Variants in CSMD2 observed in about 807,000 individuals in gnomAD.
CSMD2 encodes CUB and sushi domain-containing protein 2.
A neutral mutation model predicts 398.5 loss-of-function variants in CSMD2; 130 were observed. The ratio of observed to expected loss-of-function variants is 0.33; its 90% CI spans 0.28 to 0.38. CSMD2 has a LOEUF of 0.38. Among genes scored for constraint, CSMD2 ranks in the 10% least tolerant of loss-of-function variants. The pLI, the probability that CSMD2 is intolerant of heterozygous loss-of-function variation, is 1.00. For missense variants in CSMD2, 3,829 were observed against 4,764.9 expected (o/e 0.80, Z 5.78); for synonymous variants, 1,828 against 1,908.5 (o/e 0.96, Z 1.10).
intron 2 of CSMD2, among the ~76,000 whole-genome samples, chr1:34,079,291 T>A (rs555372076): frequency 6.6e-6 from 1 of 152,096 alleles, no homozygotes; most frequent in African/African-American, 2.4e-5. Context: ...AAATAAGGGG[T>A]ATCCCGATTG....
chr1:33,598,489 T>C (rs570946183), intron 44 of CSMD2, among the ~76,000 whole-genome samples: 1 of 152,176 alleles, frequency 6.6e-6, no homozygotes, highest in South Asian at 2.1e-4. Context: ...CAAATTACCA[T>C]AGACTGGGTG....
At chr1:33,597,499 T>A (rs751397215) in intron 44 of CSMD2, among the ~76,000 whole-genome samples, 49 of 152,216 alleles carry the variant, frequency 3.2e-4, no homozygotes, top group Non-Finnish European at 5.9e-4. Flanking sequence ...GCATGAACAC[T>A]CAGTAACACA....
intron 3 of CSMD2, among the ~76,000 whole-genome samples, chr1:34,027,935 G>C (rs1649885096): frequency 6.6e-6 from 1 of 152,206 alleles, no homozygotes; most frequent in Non-Finnish European, 1.5e-5. Context: ...GAGGTAAGTG[G>C]GGCGAGGGCT....
At position 33,567,851 on chromosome 1, in the gene CSMD2, G is replaced by T; in HGVS notation, c.8132-10C>A. On this transcript the variant is annotated splice_polypyrimidine_tract_variant and intron_variant, in intron 52 of 70. Transcript: ENST00000373381. ...AGCTTGGTCTGAGTGGCTAGAGACA[G>T]GGATGGTGGGGAAAAGGACCAACTA... The T allele has an allele frequency of 6.4e-7, 1 of 1,559,516 alleles. No homozygotes were observed. Among genetic ancestry groups the T allele is most frequent in the Middle Eastern group, 1.7e-4 (1 of 6,004 alleles).
chr1:33,632,428 A>G (rs1642518491), intron 32 of CSMD2, among the ~76,000 whole-genome samples: 1 of 152,166 alleles, frequency 6.6e-6, no homozygotes, highest in Non-Finnish European at 1.5e-5. Flanking sequence ...AAATAAGAAA[A>G]TAAGTGCTTG....
At chr1:33,879,860 A>G (rs535618883) in intron 5 of CSMD2, among the ~76,000 whole-genome samples, 2 of 152,228 alleles carry the variant, frequency 1.3e-5, no homozygotes, top group African/African-American at 4.8e-5. Context: ...AACAAATGAG[A>G]GCATGAATAT....
At chr1:34,067,517 A>G (rs1015875488) in intron 2 of CSMD2, among the ~76,000 whole-genome samples, 4 of 152,262 alleles carry the variant, frequency 2.6e-5, no homozygotes, top group Middle Eastern at 6.8e-3. Context: ...CAGGAGCCCC[A>G]GGGGCTGCCA....
intron 1 of CSMD2, among the ~76,000 whole-genome samples, chr1:34,106,667 G>A (rs1482717661): frequency 1.3e-5 from 2 of 152,176 alleles, no homozygotes; most frequent in African/African-American, 4.8e-5. Context: ...GCTTAGCACA[G>A]TTGCTGTGCC....
intron 29 of CSMD2, among the ~76,000 whole-genome samples, chr1:33,643,036 C>T (rs1268433893): frequency 1.3e-5 from 2 of 152,194 alleles, no homozygotes; most frequent in South Asian, 2.1e-4. Flanking sequence ...AAGCAAGACC[C>T]CTGAAGCCAC....
At chr1:33,768,842 C>T (rs1398973581) in intron 13 of CSMD2, among the ~76,000 whole-genome samples, 1 of 152,184 alleles carries the variant, frequency 6.6e-6, no homozygotes, top group Admixed American at 6.6e-5. Flanking sequence ...CGTATACATC[C>T]AAGAAGTTCC....
rs28690749 is a variant in CSMD2, at chr1:33,557,056, A to T, written c.8743+678T>A. Among the ~76,000 whole-genome samples the T allele has an allele frequency of 4.3e-3, 651 of 152,302 alleles. 2 individuals are homozygous for T. Among genetic ancestry groups the T allele is most frequent in the African/African-American group, 0.011 (452 of 41,548 alleles). On this transcript the variant is annotated intron_variant, in intron 55 of 70. Transcript: ENST00000373381. ...CCTCCCCAACCCCTTTTAAAAAACC[A>T]GTTGTCCCCAATTCTTTTCCTAACA... is the stretch of plus-strand genomic sequence containing the variant.
At chr1:34,001,706 A>G (rs556974665) in intron 3 of CSMD2, among the ~76,000 whole-genome samples, 2 of 152,348 alleles carry the variant, frequency 1.3e-5, no homozygotes, top group South Asian at 4.1e-4. Context: ...ATTGGTGGTG[A>G]GTGTTAAATC....
At chr1:33,966,327 TGAA>T (rs1353484124) in intron 3 of CSMD2, among the ~76,000 whole-genome samples, 2 of 152,170 alleles carry the variant, frequency 1.3e-5, no homozygotes, top group Non-Finnish European at 2.9e-5. Context: ...TGCAAATCCT[TGAA>T]GGCCTGGTCT....
At chr1:33,948,619 C>T (rs766633601) in intron 3 of CSMD2, among the ~76,000 whole-genome samples, 1 of 152,198 alleles carries the variant, frequency 6.6e-6, no homozygotes, top group Non-Finnish European at 1.5e-5. Context: ...GTACAAGCCA[C>T]GTCCATCTCA....
At chr1:33,665,386 G>A (rs527464455) in intron 25 of CSMD2, among the ~76,000 whole-genome samples, 9 of 149,262 alleles carry the variant, frequency 6.0e-5, no homozygotes, top group African/African-American at 9.8e-5. Flanking sequence ...CCGACCCAAC[G>A]ATTCAAAAAC....
chr1:33,823,852 AG>A (rs1245492140), intron 7 of CSMD2, among the ~76,000 whole-genome samples: 3 of 152,216 alleles, frequency 2.0e-5, no homozygotes, highest in Admixed American at 2.0e-4. Context: ...TCATTAGAAC[AG>A]GGTTTCTCTT....
At chr1:33,876,631 G>C (rs114246540) in intron 5 of CSMD2, among the ~76,000 whole-genome samples, 2 of 152,148 alleles carry the variant, frequency 1.3e-5, no homozygotes, top group East Asian at 3.9e-4. Flanking sequence ...GAGGTTAGGC[G>C]ACTTGCTTGA....
At chr1:33,579,721 C>T (rs976433147) in intron 48 of CSMD2, among the ~76,000 whole-genome samples, 2 of 151,650 alleles carry the variant, frequency 1.3e-5, no homozygotes, top group African/African-American at 4.9e-5. Context: ...TCTTGTTGCC[C>T]AGGCTGGAGT....
At chr1:34,121,322 G>C (rs704153) in intron 1 of CSMD2, among the ~76,000 whole-genome samples, 59,535 of 151,998 alleles carry the variant, frequency 0.39, 12,300 homozygotes, top group East Asian at 0.68. Flanking sequence ...TGAGAAGTAC[G>C]AAGGATGAGG....
Sources: allele counts gnomAD v4.1 joint callset (sites outside exome capture counted in the v4.1 genomes callset), GRCh38; gene constraint gnomAD v4.1.1; transcripts MANE v1.5; gene names NCBI Gene and HGNC (gene_info 2026-07-23, HGNC 2026-07-21).